The following ABR variants were observed in gnomAD, a reference collection of about 807,000 sequenced individuals.
ABR encodes the protein active breakpoint cluster region-related protein.
In ABR, 35 loss-of-function variants were observed where a neutral mutation model predicts 107.2. The ratio of observed to expected loss-of-function variants is 0.33; its 90% confidence interval spans 0.25 to 0.43. The LOEUF is 0.43. ABR is among the 20% of genes least tolerant of loss of function. ABR has a pLI of 1.00. For missense variants in ABR, 815 were observed against 1,115.2 expected (o/e 0.73, Z 3.83); for synonymous variants, 498 against 462.0 (o/e 1.08, Z -1.00).
At chr17:1,032,321 A>G (rs1265658750) in intron 16 of ABR, among the ~76,000 whole-genome samples, 1 of 152,116 alleles carries the variant, frequency 6.6e-6, no homozygotes, top group African/African-American at 2.4e-5. Flanking sequence ...ACCCTTGTGG[A>G]CCGGCACTCA....
At position 1,009,668 on chromosome 17, in the gene ABR, C is replaced by G. The variant is rs751626911; in HGVS notation, c.2342+11G>C. 1.9e-6 allele frequency: 3 copies of G among 1,611,516 alleles called. No homozygotes were observed. Among genetic ancestry groups the G allele is most frequent in the Non-Finnish European group, 2.5e-6 (3 of 1,177,776 alleles). The stretch of plus-strand genomic sequence containing the variant: ...GACTGAGGAGGTGGGGTTGGGGCCG[C>G]TCCCCGTTACCTTTTCAAGTGTTCC... On this transcript the variant is annotated intron_variant, in intron 21 of 22. Transcript: ENST00000302538.
rs531152286 is a variant in ABR at position 1,086,657 on chromosome 17, C to A, written c.532-3030G>T. The stretch of plus-strand genomic sequence containing the variant: ...CTGGGACTACAGGCACGCACCACCA[C>A]ACCCGGCTAGTTTTTGTATTTTTAG... On this transcript the variant is annotated intron_variant, in intron 4 of 22. Transcript: ENST00000302538. Among the ~76,000 whole-genome samples the A allele has an allele frequency of 4.6e-5, 7 of 152,258 alleles. 1 individual carries two copies. In the East Asian group the frequency reaches 5.8e-4, roughly 13 times the overall value.
rs1223774526 is a variant in ABR, at chr17:1,003,721, T to C, written c.*2359A>G. On this transcript the variant is annotated 3_prime_UTR_variant, in exon 23 of 23. Coordinates refer to ENST00000302538, the MANE Select transcript of ABR (RefSeq NM_021962.5). ...GCAGAAACTGGCAGCCATCAGCCAT[T>C]GCCCAGCAAGAACAGGCAGACCTGG... 1.3e-5 allele frequency: 2 copies of C among 152,450 alleles called. No individual in the cohort carries two copies. Among genetic ancestry groups the C allele is most frequent in the Non-Finnish European group, 2.9e-5 (2 of 68,052 alleles). 9.4% of individuals were successfully genotyped at this position (152,450 alleles called of 1,614,324 possible). A position where few individuals can be genotyped will look rare whatever the true frequency, so the allele number is the denominator to read the frequency against.
intron 16 of ABR, among the ~76,000 whole-genome samples, chr17:1,025,964 G>GA (rs1358665439): frequency 6.6e-6 from 1 of 152,212 alleles, no homozygotes. Flanking sequence ...GCTGCTTCAG[G>GA]ACAGGGCTCA....
At chr17:1,217,503 A>C (rs11867310) in intron 1 of ABR, among the ~76,000 whole-genome samples, 1 of 151,980 alleles carries the variant, frequency 6.6e-6, no homozygotes, top group Non-Finnish European at 1.5e-5. Flanking sequence ...TGTTATATAC[A>C]TATTGACTTA....
At chr17:1,056,901 T>A (rs1597587825) in intron 13 of ABR, 97 bp downstream of exon 13, 1 of 808,770 alleles carries the variant, frequency 1.2e-6, no homozygotes, top group Non-Finnish European at 2.1e-6. Flanking sequence ...GGATCAGCCA[T>A]TTACAGCCAC....
At chr17:1,204,964 C>T (rs975270597) in intron 1 of ABR, among the ~76,000 whole-genome samples, 8 of 123,642 alleles carry the variant, frequency 6.5e-5, no homozygotes, top group African/African-American at 1.5e-4. Flanking sequence ...AGTGCAAGGG[C>T]GTGATCTCGG....
intron 1 of ABR, among the ~76,000 whole-genome samples, chr17:1,127,303 C>A (rs973012154): frequency 6.6e-6 from 1 of 152,008 alleles, no homozygotes; most frequent in Non-Finnish European, 1.5e-5. Flanking sequence ...CACTGAGACG[C>A]GTGTACGCCA....
intron 1 of ABR, among the ~76,000 whole-genome samples, chr17:1,166,694 G>A (rs749982701): frequency 3.9e-5 from 6 of 152,186 alleles, no homozygotes; most frequent in Non-Finnish European, 8.8e-5. Context: ...CCTCACCTGG[G>A]ACTTGCTAGA....
intron 2 of ABR, among the ~76,000 whole-genome samples, chr17:1,101,758 G>C (rs1403366577): frequency 6.6e-6 from 1 of 150,796 alleles, no homozygotes; most frequent in East Asian, 1.9e-4. Context: ...TTTAGAGACG[G>C]AGTCTCGCTC....
intron 3 of ABR, 101 bp downstream of exon 3, chr17:1,100,536 C>T (rs188921741): frequency 1.1e-4 from 128 of 1,113,386 alleles, no homozygotes; most frequent in Admixed American, 8.6e-4. Flanking sequence ...GGGACGGGTA[C>T]GGTCCCCTTT....
At chr17:1,075,340 A>T (rs1282188832) in intron 6 of ABR, among the ~76,000 whole-genome samples, 1 of 152,270 alleles carries the variant, frequency 6.6e-6, no homozygotes, top group Non-Finnish European at 1.5e-5. Flanking sequence ...AGGATCCCAG[A>T]CTGGGTGTCC....
intron 5 of ABR, among the ~76,000 whole-genome samples, chr17:1,082,874 G>A (rs2036339424): frequency 6.6e-6 from 1 of 152,116 alleles, no homozygotes; most frequent in Admixed American, 6.6e-5. Flanking sequence ...GCTCGCACCT[G>A]TAATGTCAGC....
chr17:1,177,854 A>C (rs2041969960), intron 1 of ABR: 1 of 152,264 alleles, frequency 6.6e-6, no homozygotes, highest in African/African-American at 2.4e-5. Context: ...CTCCGAACAG[A>C]TGTGTGCCCC....
At chr17:1,083,470 G>A (rs372204608) in intron 5 of ABR, 50 bp downstream of exon 5, 6 of 1,400,760 alleles carry the variant, frequency 4.3e-6, no homozygotes, top group Non-Finnish European at 4.9e-6. Context: ...GCTCTGAGCA[G>A]CCCCCAAAGC....
In ABR at chr17:1,006,129, G is replaced by C; in HGVS notation, c.2531C>G (p.Ser844Cys). 1 of 1,588,426 alleles carries C rather than the reference G, an allele frequency of 6.3e-7. No individual in the cohort carries two copies. The highest frequency in any genetic ancestry group is 1.3e-5 in the African/African-American group (1 of 74,678). Residue 844 changes from serine to cysteine, a missense_variant, in exon 23 of 23, where the codon TCC becomes TGC. Ser to Cys is a moderately radical substitution (Grantham distance 112). Transcript: ENST00000302538. Reference sequence around the variant, plus strand: ...TGTGTTCCGCTTGAGTTCTGCGAAGGAAATGGGGGGGTGCTGCAGGTAGTA... The same window carrying C: ...TGTGTTCCGCTTGAGTTCTGCGAAGCAAATGGGGGGGTGCTGCAGGTAGTA... ...LLYYLQHPPI[S>C]FAELKRNTLY... is the part of the protein sequence containing the mutation.
chr17:1,191,544 C>T (rs9895087), upstream of ABR, among the ~76,000 whole-genome samples: 90,429 of 151,344 alleles, frequency 0.6, 29,213 homozygotes, highest in Middle Eastern at 0.76. Context: ...TTAGTAGAAA[C>T]GGGGTTTCTC....
At chr17:1,013,302 C>T (rs2070802142) in intron 16 of ABR, 138 bp from the exon 17 acceptor site, 2 of 877,826 alleles carry the variant, frequency 2.3e-6, no homozygotes, top group South Asian at 3.1e-5. Flanking sequence ...CTGATGTTTA[C>T]CTGGAAATCA....
chr17:1,057,159 G>A, intron 12 of ABR, 57 bp from the exon 13 acceptor site: 1 of 1,216,620 alleles, frequency 8.2e-7, no homozygotes, highest in Non-Finnish European at 1.2e-6. Context: ...AGGACCGGCT[G>A]CTCTTCCCTG....
Sources: gnomAD v4.1 joint callset for allele counts (sites outside exome capture counted in the v4.1 genomes callset) on GRCh38, gnomAD v4.1.1 for gene constraint, MANE v1.5 for transcripts, NCBI Gene and HGNC (gene_info 2026-07-23, HGNC 2026-07-21) for gene names.